The following TMEM232 variants were observed in gnomAD, a reference collection of about 807,000 sequenced individuals.
TMEM232 encodes transmembrane protein 232.
TMEM232 carries 80 observed loss-of-function variants against 78.8 expected under a neutral mutation model. The ratio of observed to expected loss-of-function variants is 1.01; its 90% CI spans 0.85 to 1.22. The LOEUF (loss-of-function observed/expected upper bound fraction) is 1.22. Among genes scored for constraint, TMEM232 ranks in the 50% most tolerant of loss-of-function variants. TMEM232 has a pLI of 0.00. For synonymous variants in TMEM232, 297 were observed against 254.3 expected, an observed-to-expected ratio of 1.17 and a Z score of -1.60; for missense variants, 881 against 742.2, an observed-to-expected ratio of 1.19 and a Z score of -2.17.
At chr5:110,622,977 A>C (rs1783959049) in intron 7 of TMEM232, among the ~76,000 whole-genome samples, 1 of 145,412 alleles carries the variant, frequency 6.9e-6, no homozygotes, top group Admixed American at 7.0e-5. Context: ...ATGTACCCTA[A>C]AACTTAAAGT....
At chr5:110,662,036 C>T (rs1789873726) in intron 2 of TMEM232, among the ~76,000 whole-genome samples, 1 of 151,962 alleles carries the variant, frequency 6.6e-6, no homozygotes, top group Admixed American at 6.6e-5. Context: ...TTCATATATT[C>T]TGGTTAATAG....
chr5:110,395,637 A>G (rs913534452), intron 3 of TMEM232, among the ~76,000 whole-genome samples: 5 of 152,142 alleles, frequency 3.3e-5, no homozygotes, highest in African/African-American at 1.2e-4. Context: ...GTTGTTACTG[A>G]AAGTATGGGA....
At chr5:110,575,862 G>T (rs761971594) in intron 10 of TMEM232, among the ~76,000 whole-genome samples, 17 of 152,026 alleles carry the variant, frequency 1.1e-4, no homozygotes, top group Non-Finnish European at 2.2e-4. Flanking sequence ...GTTATGTAGA[G>T]TTTCAGCAGA....
chr5:110,504,031 A>T (rs912802639), intron 12 of TMEM232, among the ~76,000 whole-genome samples: 1 of 152,200 alleles, frequency 6.6e-6, no homozygotes, highest in Non-Finnish European at 1.5e-5. Flanking sequence ...TTGGCAGTTT[A>T]TGAGCCTGAA....
chr5:110,641,274 C>T (rs1203775819), intron 3 of TMEM232, among the ~76,000 whole-genome samples: 3 of 152,064 alleles, frequency 2.0e-5, no homozygotes, highest in Non-Finnish European at 4.4e-5. Context: ...CTAGTGAGTA[C>T]TTCCAATTTT....
intron 10 of TMEM232, among the ~76,000 whole-genome samples, chr5:110,578,024 T>C (rs1295067538): frequency 1.3e-5 from 2 of 151,908 alleles, no homozygotes; most frequent in East Asian, 3.9e-4. Flanking sequence ...TATCTCTGAA[T>C]TTAAAATAGA....
rs539725684 is a variant in TMEM232 at position 110,406,888 on chromosome 5, T to A, written n.309-9034A>T. Among the ~76,000 whole-genome samples the A allele has an allele frequency of 5.3e-5, 8 of 152,248 alleles. No homozygotes were observed. The South Asian group carries it at 1.7e-3, about 32-fold the overall frequency. On this transcript the variant is annotated intron_variant and non_coding_transcript_variant, in intron 2 of 8. Transcript: ENST00000507188. ...TTTTTGCCTTTGCTTATTTCTATTC[T>A]TTGGTGTTCTAAGATAAGTTGCCAT... is the stretch of plus-strand genomic sequence containing the variant.
intron 11 of TMEM232, among the ~76,000 whole-genome samples, chr5:110,567,977 G>A (rs1244847983): frequency 1.3e-5 from 2 of 151,962 alleles, no homozygotes. Flanking sequence ...GTGCCCCTAT[G>A]CAGCTCCTTC....
intron 12 of TMEM232, among the ~76,000 whole-genome samples, chr5:110,429,514 A>C (rs1358803394): frequency 3.3e-5 from 5 of 151,792 alleles, no homozygotes; most frequent in African/African-American, 1.2e-4. Flanking sequence ...AGCAGGAGAC[A>C]TGCATAGGTT....
In TMEM232 at chr5:110,483,378, G is replaced by A. The variant is rs1407820412; in HGVS notation, c.1703+45210C>T. Among the ~76,000 whole-genome samples, 3 of 152,224 alleles carry A rather than the reference G, an allele frequency of 2.0e-5. No individual in the cohort carries two copies. In the East Asian group the frequency reaches 5.8e-4, roughly 29 times the overall value. Reference sequence around the variant, plus strand: ...ATTAAAAAGTCAAAAAATAATAGATGTTGACAAAGTTACAGGGTAAAGGGA... The same window carrying A: ...ATTAAAAAGTCAAAAAATAATAGATATTGACAAAGTTACAGGGTAAAGGGA... On this transcript the variant is annotated intron_variant, in intron 12 of 13. Coordinates refer to ENST00000455884, the MANE Select transcript of TMEM232 (RefSeq NM_001039763.4).
chr5:110,605,204 T>C lies in TMEM232; in HGVS notation c.1181A>G (p.Asn394Ser). ...TACTGATTTGTCCAAGTATAAAATA[T>C]TTTTTTGTGAACTTTTACAGTGACA... ...GFCHCKSSQK[N>S]ILYLDKSVPP... is the part of the protein sequence containing the mutation. Residue 394 changes from asparagine (N) to serine (S), a missense_variant, in exon 10 of 14, where the codon AAT becomes AGT. Physicochemically the swap from Asn to Ser is conservative, Grantham distance 46 (BLOSUM62 1). Coordinates refer to ENST00000455884, the MANE Select transcript of TMEM232 (RefSeq NM_001039763.4). The C allele has an allele frequency of 1.3e-6, 2 of 1,550,846 alleles. No homozygotes were observed. The highest frequency in any genetic ancestry group is 1.4e-5 in the African/African-American group (1 of 73,126).
At chr5:110,703,240 G>T (rs187486919) in intron 1 of TMEM232, among the ~76,000 whole-genome samples, 2 of 151,980 alleles carry the variant, frequency 1.3e-5, no homozygotes, top group African/African-American at 4.8e-5. Context: ...CTAATCAAGG[G>T]GGAGTGCTAC....
chr5:110,454,318 A>C (rs1230006512), intron 12 of TMEM232, among the ~76,000 whole-genome samples: 4 of 152,070 alleles, frequency 2.6e-5, no homozygotes, highest in Non-Finnish European at 5.9e-5. Context: ...ATAAGACCAT[A>C]AAAAAATATT....
intron 12 of TMEM232, among the ~76,000 whole-genome samples, chr5:110,498,350 C>G (rs1016962325): frequency 6.6e-6 from 1 of 152,044 alleles, no homozygotes; most frequent in African/African-American, 2.4e-5. Context: ...TGAACAGAGG[C>G]TGTGCATATT....
At chr5:110,614,022 G>T (rs1782626818) in intron 8 of TMEM232, among the ~76,000 whole-genome samples, 1 of 151,846 alleles carries the variant, frequency 6.6e-6, no homozygotes, top group Admixed American at 6.6e-5. Context: ...TTAAAAAAAA[G>T]ATTAAATCTT....
chr5:110,585,778 C>T (rs1778742451), intron 10 of TMEM232, among the ~76,000 whole-genome samples: 1 of 152,070 alleles, frequency 6.6e-6, no homozygotes, highest in Admixed American at 6.6e-5. Flanking sequence ...TCTCATCCAG[C>T]TCCCTGCGGT....
intron 10 of TMEM232, among the ~76,000 whole-genome samples, chr5:110,587,564 C>G (rs1778962605): frequency 6.6e-6 from 1 of 151,380 alleles, no homozygotes; most frequent in Non-Finnish European, 1.5e-5. Flanking sequence ...ATACCTTACT[C>G]TTTCCTTGAA....
At chr5:110,506,600 A>G (rs1766935488) in intron 12 of TMEM232, among the ~76,000 whole-genome samples, 1 of 151,974 alleles carries the variant, frequency 6.6e-6, no homozygotes, top group Admixed American at 6.6e-5. Flanking sequence ...CAAAATAACT[A>G]CCCTCTTTTC....
intron 10 of TMEM232, among the ~76,000 whole-genome samples, chr5:110,584,546 A>G (rs1451531414): frequency 1.3e-5 from 2 of 152,108 alleles, no homozygotes; most frequent in Admixed American, 6.6e-5. Flanking sequence ...TCAGTAATAC[A>G]AGATGAATAA....
Sources: allele counts gnomAD v4.1 joint callset (sites outside exome capture counted in the v4.1 genomes callset), GRCh38; gene constraint gnomAD v4.1.1; transcripts MANE v1.5; gene names NCBI Gene and HGNC (gene_info 2026-07-23, HGNC 2026-07-21).